COL6A3: variants seen among roughly 807,000 people sequenced by gnomAD.
COL6A3 encodes collagen alpha-3(VI) chain.
COL6A3 carries 137 observed loss-of-function variants against 274.1 expected under a neutral mutation model. The observed-to-expected ratio is 0.50, with a 90% confidence interval of 0.44 to 0.58. The LOEUF (loss-of-function observed/expected upper bound fraction) is 0.58. Among genes scored for constraint, COL6A3 ranks in the 20% least tolerant of loss-of-function variants. COL6A3 has a pLI of 0.00. For missense variants in COL6A3, 3,950 were observed against 4,124.9 expected (o/e 0.96, Z 1.16); for synonymous variants, 1,650 against 1,650.6 (o/e 1.00, Z 0.01).
intron 42 of COL6A3, among the ~76,000 whole-genome samples, chr2:237,332,117 A>ATATATATATATATATATGTG (rs35490728): frequency 1.6e-5 from 1 of 64,206 alleles, no homozygotes; most frequent in African/African-American, 4.8e-5. Flanking sequence ...ATATATATAT[A>ATATATATATATATATATGTG]TGAAAAGAAA....
In COL6A3 at chr2:237,340,696, GACC is replaced by G; in HGVS notation, c.8217_8219del (p.Val2740del). On this transcript the variant is annotated inframe_deletion, in exon 38 of 44. Coordinates refer to ENST00000295550, the MANE Select transcript of COL6A3 (RefSeq NM_004369.4). ...CCGGCACCTCGCCCGTCAGCATCAGGACCACAATTTTCAGGTCCCGTGGGTTTG... is the reference window on the plus strand; with the variant it reads ...CCGGCACCTCGCCCGTCAGCATCAGGACAATTTTCAGGTCCCGTGGGTTTG... 6.2e-7 allele frequency: 1 copy of G among 1,614,164 alleles called. No homozygotes were observed. The highest frequency in any genetic ancestry group is 8.5e-7 in the Non-Finnish European group (1 of 1,180,044).
chr2:237,393,697 T>G (rs1194858206), intron 3 of COL6A3, among the ~76,000 whole-genome samples: 1 of 152,230 alleles, frequency 6.6e-6, no homozygotes, highest in African/African-American at 2.4e-5. Flanking sequence ...TGGGCACTCA[T>G]TACAGTTGCT....
Position 237,394,524 on chromosome 2 carries a change from A to C in COL6A3, c.709+63T>G. 2.5e-6 allele frequency: 4 copies of C among 1,608,980 alleles called. 1 individual carries two copies. In the South Asian group the frequency reaches 4.4e-5, roughly 18 times the overall value. ...TCCTAGCTGTTGCTTTAAGGCCAGC[A>C]GTTGCCAAGCTCATCTCCCAAGAAC... On this transcript the variant is annotated intron_variant, in intron 3 of 43. Transcript: ENST00000295550.
At chr2:237,390,643 T>C (rs74473963) in intron 3 of COL6A3, among the ~76,000 whole-genome samples, 1,847 of 152,364 alleles carry the variant, frequency 0.012, 66 homozygotes, top group Admixed American at 0.059. Flanking sequence ...CAGTTTCCTT[T>C]GACATCCCTG....
chr2:237,364,219 G>A lies in COL6A3; in HGVS notation c.5917+131C>T, dbSNP rs2077498544. 2.6e-6 allele frequency: 2 copies of A among 760,344 alleles called. No individual in the cohort carries two copies. Among genetic ancestry groups the A allele is most frequent in the South Asian group, 2.9e-5 (2 of 69,646 alleles). The allele number at this position is 760,344 out of a possible 1,614,324, so 47.1% of individuals were successfully genotyped here. ...AGGTGATGAAGGGCCACAACGCTGG[G>A]AGGAAGAGTCTCCCAAGACAACGCT... is the stretch of plus-strand genomic sequence containing the variant. On this transcript the variant is annotated intron_variant, in intron 13 of 43. Coordinates refer to ENST00000295550, the MANE Select transcript of COL6A3 (RefSeq NM_004369.4). The surrounding 1 kb of genome is among the most constrained non-coding windows in gnomAD (Gnocchi z 4.6).
chr2:237,370,868 G>C (rs1321202248), intron 9 of COL6A3, among the ~76,000 whole-genome samples: 2 of 152,168 alleles, frequency 1.3e-5, no homozygotes, highest in East Asian at 3.9e-4. Flanking sequence ...AACAGACAAG[G>C]CTACTCTGTG....
intron 39 of COL6A3, 60 bp from the exon 40 acceptor site, chr2:237,336,592 C>CATA: frequency 6.4e-7 from 1 of 1,564,214 alleles, no homozygotes; most frequent in Non-Finnish European, 8.8e-7. Flanking sequence ...TAAATAAAGA[C>CATA]ATAACCCCAT....
chr2:237,359,803 A>G (rs1472735020), intron 17 of COL6A3, among the ~76,000 whole-genome samples: 1 of 152,110 alleles, frequency 6.6e-6, no homozygotes, highest in Non-Finnish European at 1.5e-5. Flanking sequence ...GGCCGTGGGC[A>G]CCAGCCTACC....
chr2:237,333,218 A>C (rs1052508070), intron 42 of COL6A3: 3 of 590,890 alleles, frequency 5.1e-6, no homozygotes, highest in African/African-American at 3.7e-5. Context: ...TGATAGCCCC[A>C]AAAGCACCTC....
intron 5 of COL6A3, 144 bp from the exon 6 acceptor site, chr2:237,379,379 G>T: frequency 9.6e-7 from 1 of 1,038,610 alleles, no homozygotes; most frequent in Non-Finnish European, 1.5e-6. Context: ...TGTAAAATAT[G>T]GCAGATGGCT....
intron 4 of COL6A3, among the ~76,000 whole-genome samples, chr2:237,381,762 T>G (rs1229203496): frequency 4.6e-5 from 7 of 152,206 alleles, no homozygotes. Flanking sequence ...AAATTTAGTT[T>G]TAGTAGCCAC....
Position 237,358,541 on chromosome 2 carries a change from C to G in COL6A3, c.6451G>C (p.Val2151Leu), listed in dbSNP as rs768565928. Residue 2151 changes from valine (V) to leucine (L), a missense_variant, in exon 21 of 44, where the codon GTT (valine) becomes CTT (leucine). This residue lies in a region of COL6A3 where 1,284 missense variants were observed against 1,349.7 expected (regional missense o/e 0.95). Coordinates refer to ENST00000295550, the MANE Select transcript of COL6A3 (RefSeq NM_004369.4). ...PRGEKGERGD[V>L]GIRGDPGNPG... ...TTTACCGGGTCCCCTCGAATCCCAA[C>G]ATCTCCTCTTTCTCCTTTCTCTCCT... 42 of 1,614,120 alleles carry G rather than the reference C, an allele frequency of 2.6e-5. No individual in the cohort carries two copies. In the Admixed American group the frequency reaches 7.0e-4, roughly 27 times the overall value.
At chr2:237,378,027 T>C (rs1361161628) in intron 6 of COL6A3, among the ~76,000 whole-genome samples, 1 of 152,192 alleles carries the variant, frequency 6.6e-6, no homozygotes, top group African/African-American at 2.4e-5. Flanking sequence ...TTTGATTAGG[T>C]TTCAATTGGT....
At chr2:237,408,950 C>T (rs2106406793) in intron 1 of COL6A3, among the ~76,000 whole-genome samples, 1 of 152,230 alleles carries the variant, frequency 6.6e-6, no homozygotes, top group South Asian at 2.1e-4. Flanking sequence ...AGAGGCTACT[C>T]CAAGGAAGAC....
rs116239777 is a variant in COL6A3, at chr2:237,374,767, G to A, written c.3324C>T (p.Thr1108=). 120 of 1,613,994 alleles carry A rather than the reference G, an allele frequency of 7.4e-5. No individual in the cohort carries two copies. In the East Asian group the frequency reaches 1.6e-3, roughly 22 times the overall value. Residue 1108 remains threonine (T), a synonymous_variant, in exon 8 of 44, where the codon ACC becomes ACT. Transcript: ENST00000295550. The surrounding 1 kb of genome is among the most constrained non-coding windows in gnomAD (Gnocchi z 4.8). ...LTLLGGPTPN[T]GAALEFVLRN... The stretch of plus-strand genomic sequence containing the variant: ...TCAGGACAAACTCCAGGGCGGCCCC[G>A]GTGTTGGGGGTCGGCCCTCCCAGCA...
At position 237,354,929 on chromosome 2, in the gene COL6A3, G is replaced by A; in HGVS notation, c.6597C>T (p.Gly2199=). ...CTCCGGGGGGTCCCCTTCGGCCAAA[G>A]CCACCCTGTGGAAGAAAAAGTCCCA... ...GGPGETGKNG[G]FGRRGPPGAK... is the part of the protein sequence containing the mutation. The change falls in exon 24 of 44, where the codon GGC becomes GGT. Residue 2199 remains glycine (G), a synonymous_variant. Coordinates refer to ENST00000295550, the MANE Select transcript of COL6A3 (RefSeq NM_004369.4). The A allele has an allele frequency of 6.2e-7, 1 of 1,613,824 alleles. No individual in the cohort carries two copies. Among genetic ancestry groups the A allele is most frequent in the Non-Finnish European group, 8.5e-7 (1 of 1,179,876 alleles).
At chr2:237,406,082 C>A (rs532227507) in intron 1 of COL6A3, among the ~76,000 whole-genome samples, 73 of 152,134 alleles carry the variant, frequency 4.8e-4, no homozygotes, top group African/African-American at 1.6e-3. Flanking sequence ...TTTGAGGTGC[C>A]TTTTTCCGTT....
chr2:237,407,525 G>A lies in COL6A3; in HGVS notation c.-31+6428C>T, dbSNP rs980955127. The stretch of plus-strand genomic sequence containing the variant: ...CTACCAATGCCCTCCCTCTGTGAAT[G>A]AGAGCACCTGTAAGAATATGCCGAC... On this transcript the variant is annotated intron_variant, in intron 1 of 43. Coordinates refer to ENST00000295550, the MANE Select transcript of COL6A3 (RefSeq NM_004369.4). The surrounding 1 kb of genome is among the most constrained non-coding windows in gnomAD (Gnocchi z 4.3). Among the ~76,000 whole-genome samples, 2 of 152,250 alleles carry A rather than the reference G, an allele frequency of 1.3e-5. No individual in the cohort carries two copies. Among genetic ancestry groups the A allele is most frequent in the Non-Finnish European group, 2.9e-5 (2 of 68,048 alleles).
In COL6A3 at chr2:237,355,486, A is replaced by G. The variant is rs180764533; in HGVS notation, c.6592-552T>C. 3.3e-3 allele frequency: 498 copies of G among 152,916 alleles called. 1 individual carries two copies. Among genetic ancestry groups the G allele is most frequent in the Middle Eastern group, 6.8e-3 (2 of 296 alleles). 9.5% of individuals were successfully genotyped at this position (152,916 alleles called of 1,614,324 possible). On this transcript the variant is annotated intron_variant, in intron 23 of 43. Transcript: ENST00000295550. ...TAGGTAGGGCTCACGACTTGGCAAC[A>G]TCTTCCTGGATGCTCCAGAGGTGAC...
Sources: allele counts gnomAD v4.1 joint callset (sites outside exome capture counted in the v4.1 genomes callset), GRCh38; gene constraint gnomAD v4.1.1; regional missense constraint gnomAD v4.1.1; non-coding constraint Gnocchi (gnomAD v3.1); transcripts MANE v1.5; gene names NCBI Gene and HGNC (gene_info 2026-07-23, HGNC 2026-07-21).